ADGRL2: variants seen among roughly 807,000 people sequenced by gnomAD.
The protein encoded by ADGRL2 is calcium-independent alpha-latrotoxin receptor 2.
Under a neutral mutation model 157.4 loss-of-function variants are expected in ADGRL2, and 44 were observed. That is an observed-to-expected ratio of 0.28 (90% confidence interval 0.22 to 0.36). The LOEUF is 0.36. ADGRL2 is among the 10% of genes least tolerant of loss of function. ADGRL2 has a pLI of 1.00. For synonymous variants in ADGRL2, 585 were observed against 624.7 expected (o/e 0.94, Z 0.95); for missense variants, 1,510 against 1,768.9 (o/e 0.85, Z 2.63).
At chr1:81,709,478 C>G (rs1479765885) in intron 1 of ADGRL2, among the ~76,000 whole-genome samples, 1 of 152,036 alleles carries the variant, frequency 6.6e-6, no homozygotes, top group Non-Finnish European at 1.5e-5. Flanking sequence ...AAGATATTTT[C>G]TCTTTTAAAA....
intron 1 of ADGRL2, among the ~76,000 whole-genome samples, chr1:81,393,417 T>C (rs1361305874): frequency 4.6e-5 from 7 of 151,904 alleles, no homozygotes. Context: ...CAAGAACATT[T>C]ATAAAGTAAA....
chr1:81,367,613 G>T (rs148815169), intron 1 of ADGRL2, among the ~76,000 whole-genome samples: 1 of 152,014 alleles, frequency 6.6e-6, no homozygotes, highest in African/African-American at 2.4e-5. Flanking sequence ...AGGCTGGAGC[G>T]CAATGGCGTG....
At chr1:81,726,650 T>C (rs529232878) in intron 1 of ADGRL2, among the ~76,000 whole-genome samples, 1 of 152,302 alleles carries the variant, frequency 6.6e-6, no homozygotes, top group African/African-American at 2.4e-5. Flanking sequence ...GAAATATAGA[T>C]GCCAAGGGGT....
Position 81,971,834 on chromosome 1 carries a change from C to T in ADGRL2, c.2955-18C>T, listed in dbSNP as rs199656325. 1.4e-5 allele frequency: 21 copies of T among 1,505,068 alleles called. No homozygotes were observed. In the East Asian group the frequency reaches 4.5e-4, roughly 33 times the overall value. 93.2% of individuals were successfully genotyped at this position (1,505,068 alleles called of 1,614,324 possible). On this transcript the variant is annotated intron_variant, in intron 16 of 23. Transcript: ENST00000686636. The stretch of plus-strand genomic sequence containing the variant: ...TCCATAGAAACTACTAATGCATATT[C>T]TTCTCTTTTCATAATAGTTGCTGGC...
At chr1:81,341,484 T>C (rs1014691166) in intron 1 of ADGRL2, among the ~76,000 whole-genome samples, 3 of 152,108 alleles carry the variant, frequency 2.0e-5, no homozygotes, top group Non-Finnish European at 2.9e-5. Flanking sequence ...CCTATTTTTA[T>C]ACTTTTATTT....
At chr1:81,722,276 G>A (rs1200957480) in intron 1 of ADGRL2, 2 of 459,960 alleles carry the variant, frequency 4.3e-6, no homozygotes, top group Non-Finnish European at 8.1e-6. Context: ...CTGGGCGACA[G>A]AGCGAGACTC....
At chr1:81,543,902 C>G (rs1235317405) in intron 2 of ADGRL2, among the ~76,000 whole-genome samples, 2 of 152,142 alleles carry the variant, frequency 1.3e-5, no homozygotes, top group Non-Finnish European at 2.9e-5. Flanking sequence ...CTCAATACAC[C>G]AGGAATGCTT....
chr1:81,680,371 G>A (rs1450763066), intron 3 of ADGRL2, among the ~76,000 whole-genome samples: 1 of 152,152 alleles, frequency 6.6e-6, no homozygotes, highest in East Asian at 1.9e-4. Flanking sequence ...GTTTATTCCA[G>A]CAATGTTCAT....
intron 3 of ADGRL2, among the ~76,000 whole-genome samples, chr1:81,652,557 A>G (rs1467396843): frequency 6.6e-6 from 1 of 152,128 alleles, no homozygotes; most frequent in Non-Finnish European, 1.5e-5. Flanking sequence ...GTGCTTCCAG[A>G]CCTTTTATTT....
rs542273688 is a variant in ADGRL2, at chr1:81,472,079, T to C, written c.-248+26990T>C. Reference sequence around the variant, plus strand: ...ACCATACCAGTACAGAGAAATGTAATTTAAATCTTTCCTTTGAAATTAGGG... The same window carrying C: ...ACCATACCAGTACAGAGAAATGTAACTTAAATCTTTCCTTTGAAATTAGGG... On this transcript the variant is annotated intron_variant, in intron 2 of 24. Coordinates refer to the ADGRL2 transcript ENST00000370721. 7.9e-5 allele frequency among the ~76,000 whole-genome samples: 12 copies of C among 152,306 alleles called. No homozygotes were observed. In the East Asian group the frequency reaches 2.1e-3, roughly 27 times the overall value.
At chr1:81,376,691 T>A (rs1209698738) in intron 1 of ADGRL2, among the ~76,000 whole-genome samples, 1 of 151,900 alleles carries the variant, frequency 6.6e-6, no homozygotes, top group Non-Finnish European at 1.5e-5. Context: ...CAATATTTTG[T>A]GATTTGGCAT....
chr1:81,459,725 CACAT>C, intron 2 of ADGRL2, among the ~76,000 whole-genome samples: 2 of 151,786 alleles, frequency 1.3e-5, no homozygotes, highest in African/African-American at 4.8e-5. Context: ...CATATACACA[CACAT>C]ACACACACAT....
At chr1:81,382,653 C>T (rs1428620311) in intron 1 of ADGRL2, among the ~76,000 whole-genome samples, 1 of 152,150 alleles carries the variant, frequency 6.6e-6, no homozygotes, top group Non-Finnish European at 1.5e-5. Context: ...AAAGACGAAA[C>T]TGCATTTAAA....
chr1:81,368,357 C>T (rs2076102665), intron 1 of ADGRL2, among the ~76,000 whole-genome samples: 1 of 152,170 alleles, frequency 6.6e-6, no homozygotes, highest in Non-Finnish European at 1.5e-5. Context: ...ATGTACCAGG[C>T]AGTAACTCTT....
intron 1 of ADGRL2, among the ~76,000 whole-genome samples, chr1:81,359,454 CT>C (rs1404258136): frequency 1.3e-5 from 2 of 151,976 alleles, no homozygotes; most frequent in Non-Finnish European, 2.9e-5. Flanking sequence ...GCAAAACTAC[CT>C]TTATTTGAAA....
Position 81,969,179 on chromosome 1 carries a change from A to T in ADGRL2, c.2525A>T (p.Tyr842Phe). 1 of 1,609,806 alleles carries T rather than the reference A, an allele frequency of 6.2e-7. No individual in the cohort carries two copies. The highest frequency in any genetic ancestry group is 8.5e-7 in the Non-Finnish European group (1 of 1,176,292). ...TTCCTCATATCTTTTTATTTTCAGT[A>T]TAAAGATGGCGTTCATGAATTACTT... ...AILMAHREIA[Y>F]KDGVHELLLT... Residue 842 changes from tyrosine (Y) to phenylalanine (F), a missense_variant and splice_region_variant, in exon 15 of 24, where the codon TAT becomes TTT. Around this residue, in one of 4 missense-constraint regions of ADGRL2, gnomAD observed 497 missense variants for 627.2 expected, o/e 0.79. Transcript: ENST00000686636.
At chr1:81,353,263 C>G (rs1422473388) in intron 1 of ADGRL2, among the ~76,000 whole-genome samples, 1 of 152,168 alleles carries the variant, frequency 6.6e-6, no homozygotes, top group African/African-American at 2.4e-5. Flanking sequence ...CCTTGCTTGA[C>G]AGATAAACAG....
chr1:81,705,224 G>A (rs9726682), intron 1 of ADGRL2, among the ~76,000 whole-genome samples: 21,447 of 151,916 alleles, frequency 0.14, 1,551 homozygotes, highest in African/African-American at 0.16. Flanking sequence ...ACTAATTTTT[G>A]TATTTTTAGT....
intron 1 of ADGRL2, among the ~76,000 whole-genome samples, chr1:81,433,743 G>A (rs1158312391): frequency 1.3e-5 from 2 of 152,194 alleles, no homozygotes; most frequent in Non-Finnish European, 2.9e-5. Context: ...CTTGAAAGAA[G>A]TATGTCTTAT....
Sources: gnomAD v4.1 joint callset for allele counts (sites outside exome capture counted in the v4.1 genomes callset) on GRCh38, gnomAD v4.1.1 for gene constraint, gnomAD v4.1.1 regional missense constraint, MANE v1.5 for transcripts, NCBI Gene and HGNC (gene_info 2026-07-23, HGNC 2026-07-21) for gene names.